Variants in AKR1C8 observed in about 807,000 individuals in gnomAD.
AKR1C8 encodes aldo-keto reductase family 1 member C-like protein 1.
the AKR1C8 span, among the ~76,000 whole-genome samples, chr10:5,142,560 G>T: frequency 6.6e-6 from 1 of 152,100 alleles, no homozygotes; most frequent in Non-Finnish European, 1.5e-5. Flanking sequence ...TCACTGTAGG[G>T]TTACAATTTG....
chr10:5,154,531 T>C, the AKR1C8 span: 1,308 of 203,590 alleles, frequency 6.4e-3, 16 homozygotes, highest in African/African-American at 0.029. Context: ...AGGAGTCATA[T>C]TGACACAGGG....
chr10:5,155,840 G>T, the AKR1C8 span: 1 of 399,682 alleles, frequency 2.5e-6, no homozygotes, highest in African/African-American at 2.1e-5. Context: ...CCAGGAGGCA[G>T]AGGCAAGGAT....
At chr10:5,157,726 G>A in the AKR1C8 span, 1 of 472,640 alleles carries the variant, frequency 2.1e-6, no homozygotes, top group African/African-American at 2.0e-5. Context: ...GACCTGGCCT[G>A]GGCTTCCACT....
At chr10:5,120,062 G>A in the AKR1C8 span, among the ~76,000 whole-genome samples, 7 of 152,238 alleles carry the variant, frequency 4.6e-5, no homozygotes, top group Middle Eastern at 3.4e-3. Flanking sequence ...TTTGTTTACC[G>A]GAATGATGGC....
chr10:5,175,412 T>G, the AKR1C8 span, among the ~76,000 whole-genome samples: 1 of 152,160 alleles, frequency 6.6e-6, no homozygotes, highest in Non-Finnish European at 1.5e-5. Context: ...TCTTTGCTGT[T>G]GTGAATAGTG....
chr10:5,165,119 C>A, the AKR1C8 span, among the ~76,000 whole-genome samples: 1 of 152,106 alleles, frequency 6.6e-6, no homozygotes, highest in African/African-American at 2.4e-5. Context: ...TTTGTCCCTA[C>A]TGATAGACAT....
At chr10:5,117,927 C>T in the AKR1C8 span, among the ~76,000 whole-genome samples, 2 of 152,092 alleles carry the variant, frequency 1.3e-5, no homozygotes, top group Admixed American at 6.6e-5. Flanking sequence ...CCTCCTACAT[C>T]GAAAATTCAG....
the AKR1C8 span, among the ~76,000 whole-genome samples, chr10:5,151,197 G>C: frequency 1.3e-5 from 2 of 152,142 alleles, no homozygotes; most frequent in South Asian, 2.1e-4. Flanking sequence ...CTCAAGCACT[G>C]ATCTTAGGCT....
chr10:5,176,814 T>C, the AKR1C8 span, among the ~76,000 whole-genome samples: 1 of 152,190 alleles, frequency 6.6e-6, no homozygotes, highest in African/African-American at 2.4e-5. Flanking sequence ...CTTGTGATTT[T>C]TGTACATTGA....
chr10:5,157,564 C>A, the AKR1C8 span: 4 of 407,040 alleles, frequency 9.8e-6, no homozygotes, highest in South Asian at 3.8e-5. Flanking sequence ...GTGTCGCATT[C>A]TCCCATGTAA....
chr10:5,148,750 A>C, the AKR1C8 span, among the ~76,000 whole-genome samples: 3 of 152,258 alleles, frequency 2.0e-5, no homozygotes, highest in Non-Finnish European at 2.9e-5. Context: ...AAATAAAAGG[A>C]AGGCAGCTTT....
the AKR1C8 span, among the ~76,000 whole-genome samples, chr10:5,139,815 G>A: frequency 6.6e-6 from 1 of 151,810 alleles, no homozygotes; most frequent in Admixed American, 6.6e-5. Context: ...TCTAGTTAAA[G>A]AGCTTCTGCA....
the AKR1C8 span, among the ~76,000 whole-genome samples, chr10:5,159,093 C>T: frequency 6.6e-6 from 1 of 152,116 alleles, no homozygotes; most frequent in African/African-American, 2.4e-5. Context: ...ATAAGAATGA[C>T]AATGACGCAT....
At chr10:5,154,273 G>C in the AKR1C8 span, 3 of 456,638 alleles carry the variant, frequency 6.6e-6, no homozygotes, top group Admixed American at 7.2e-5. Context: ...TAAAATTCCC[G>C]AATTTACCAC....
the AKR1C8 span, among the ~76,000 whole-genome samples, chr10:5,173,141 T>C: frequency 6.6e-6 from 1 of 152,296 alleles, no homozygotes; most frequent in African/African-American, 2.4e-5. Context: ...GAAGTTATTT[T>C]AGGGTTTTTT....
the AKR1C8 span, among the ~76,000 whole-genome samples, chr10:5,146,780 T>C: frequency 6.6e-6 from 1 of 152,192 alleles, no homozygotes; most frequent in Non-Finnish European, 1.5e-5. Flanking sequence ...GCATTTGCTT[T>C]TGGGTTCTTG....
At chr10:5,168,200 T>C in the AKR1C8 span, among the ~76,000 whole-genome samples, 1 of 152,040 alleles carries the variant, frequency 6.6e-6, no homozygotes, top group Non-Finnish European at 1.5e-5. Flanking sequence ...TTCTTTGCCC[T>C]GAAAAACAAC....
At chr10:5,153,432 T>A in the AKR1C8 span, among the ~76,000 whole-genome samples, 1 of 152,174 alleles carries the variant, frequency 6.6e-6, no homozygotes, top group Non-Finnish European at 1.5e-5. Context: ...GAACATTGAT[T>A]ATTTCAAGTT....
chr10:5,117,096 G>C, the AKR1C8 span, among the ~76,000 whole-genome samples: 2 of 149,012 alleles, frequency 1.3e-5, no homozygotes, highest in Non-Finnish European at 3.0e-5. Context: ...CAAAAAGTGT[G>C]TTTATGTAAA....
Sources: gnomAD v4.1 joint callset for allele counts (sites outside exome capture counted in the v4.1 genomes callset) on GRCh38, gnomAD v4.1.1 for gene constraint, MANE v1.5 for transcripts, NCBI Gene and HGNC (gene_info 2026-07-23, HGNC 2026-07-21) for gene names.